DCN: variants seen among roughly 807,000 people sequenced by gnomAD.
DCN encodes bone proteoglycan II.
A neutral mutation model predicts 36.5 loss-of-function variants in DCN; 17 were observed. The ratio of observed to expected loss-of-function variants is 0.47; its 90% CI spans 0.32 to 0.70. The LOEUF (loss-of-function observed/expected upper bound fraction) is 0.70, where lower values mean the gene tolerates loss of function less well. Ranked by LOEUF, DCN falls within the 30% of genes least tolerant of loss-of-function variation. The probability of loss-of-function intolerance (pLI) is 0.04; values close to 1 mark genes in which losing one functional copy is unlikely to be tolerated. For missense variants in DCN, 389 were observed against 430.1 expected (o/e 0.90, Z 0.84); for synonymous variants, 163 against 161.4 (o/e 1.01, Z -0.07).
chr12:91,153,005 AAATC>A (rs1881532850), intron 6 of DCN, 87 bp downstream of exon 6: 1 of 785,488 alleles, frequency 1.3e-6, no homozygotes. Flanking sequence ...GTACACTCAA[AAATC>A]AATCATCATG....
intron 7 of DCN, chr12:91,151,398 A>G (rs1256779842): frequency 2.3e-6 from 1 of 440,808 alleles, no homozygotes. Context: ...ACCCCTACTG[A>G]AAAAAATATC....
chr12:91,176,317 G>T (rs1359362788), intron 2 of DCN: 3 of 151,934 alleles, frequency 2.0e-5, no homozygotes, highest in African/African-American at 4.8e-5. Context: ...TACTTCCTTA[G>T]TATATGAGTC....
rs548373357 is a variant in DCN at position 91,142,391 on chromosome 12, C to T, written c.*3667G>A. 1.3e-5 allele frequency: 2 copies of T among 152,120 alleles called. No individual in the cohort carries two copies. The highest frequency in any genetic ancestry group is 4.8e-5 in the African/African-American group (2 of 41,414). 9.4% of individuals were successfully genotyped at this position (152,120 alleles called of 1,614,324 possible). A position where few individuals can be genotyped will look rare whatever the true frequency, so the allele number is the denominator to read the frequency against. Reference sequence around the variant, plus strand: ...TACTTGAGGGATTAGGCAATTCTTCCTTCGTATAAAGATAAGATTATGATA... The same window carrying T: ...TACTTGAGGGATTAGGCAATTCTTCTTTCGTATAAAGATAAGATTATGATA... On this transcript the variant is annotated 3_prime_UTR_variant, in exon 8 of 8. Coordinates refer to ENST00000052754, the MANE Select transcript of DCN (RefSeq NM_001920.5).
chr12:91,146,237 T>C lies in DCN; in HGVS notation c.901A>G (p.Asn301Asp). Reference sequence around the variant, plus strand: ...GATCCAACTACAGAGATATTGTTGTTATGAAGGTAGACAACCTACAACATG... The same window carrying C: ...GATCCAACTACAGAGATATTGTTGTCATGAAGGTAGACAACCTACAACATG... Reference protein sequence around the residue: ...HKYIQVVYLHNNNISVVGSSD... With the variant: ...HKYIQVVYLHDNNISVVGSSD... The change falls in exon 8 of 8, where the codon AAC (asparagine) becomes GAC (aspartate). Residue 301 changes from asparagine (N) to aspartate (D), a missense_variant. Asn to Asp is a conservative substitution (Grantham distance 23, BLOSUM62 1). Transcript: ENST00000052754. 1.9e-6 allele frequency: 3 copies of C among 1,607,606 alleles called. No homozygotes were observed. The highest frequency in any genetic ancestry group is 2.6e-6 in the Non-Finnish European group (3 of 1,174,342).
chr12:91,158,263 GT>G, intron 4 of DCN, 32 bp downstream of exon 4: 1 of 1,375,042 alleles, frequency 7.3e-7, no homozygotes, highest in Non-Finnish European at 1.0e-6. Flanking sequence ...AAAAACTTGA[GT>G]TTTGGTCTTA....
chr12:91,172,564 T>C, intron 2 of DCN: 1 of 450,628 alleles, frequency 2.2e-6, no homozygotes, highest in Non-Finnish European at 4.0e-6. Flanking sequence ...TTCTATTCTC[T>C]TTCCAGTCAA....
chr12:91,160,950 A>G (rs3138236), intron 3 of DCN, among the ~76,000 whole-genome samples: 2,449 of 152,284 alleles, frequency 0.016, 61 homozygotes, highest in African/African-American at 0.055. Context: ...TACAGGGAAC[A>G]TGATTCTGTT....
At chr12:91,168,164 A>G (rs1882709401) in intron 2 of DCN, among the ~76,000 whole-genome samples, 1 of 152,188 alleles carries the variant, frequency 6.6e-6, no homozygotes, top group African/African-American at 2.4e-5. Flanking sequence ...ATCATTGTGC[A>G]TATTTTCTAA....
Position 91,151,762 on chromosome 12 carries a change from A to G in DCN, c.777T>C (p.Ala259=). The G allele has an allele frequency of 1.2e-6, 2 of 1,614,168 alleles. No homozygotes were observed. The highest frequency in any genetic ancestry group is 1.3e-5 in the African/African-American group (1 of 75,060). Reference sequence around the variant, plus strand: ...TGTTGGCCAGAGAGCCATTGTCAACAGCAGAGATGCTGTTGAAACTCAATC... The same window carrying G: ...TGTTGGCCAGAGAGCCATTGTCAACGGCAGAGATGCTGTTGAAACTCAATC... ...KLGLSFNSIS[A]VDNGSLANTP... Residue 259 remains alanine, a synonymous_variant, in exon 7 of 8, where the codon GCT becomes GCC. Coordinates refer to ENST00000052754, the MANE Select transcript of DCN (RefSeq NM_001920.5).
At chr12:91,166,826 T>C (rs1882602481) in intron 2 of DCN, among the ~76,000 whole-genome samples, 1 of 152,182 alleles carries the variant, frequency 6.6e-6, no homozygotes, top group Non-Finnish European at 1.5e-5. Context: ...AGTTTAGTTC[T>C]TGGAGAGTCA....
chr12:91,182,111 CAT>C (rs1332713528), intron 1 of DCN, among the ~76,000 whole-genome samples: 1 of 151,992 alleles, frequency 6.6e-6, no homozygotes, highest in Non-Finnish European at 1.5e-5. Context: ...CATTTAATAA[CAT>C]AAATATTTTC....
intron 1 of DCN, chr12:91,180,487 G>T (rs931850859): frequency 6.6e-6 from 1 of 152,148 alleles, no homozygotes; most frequent in East Asian, 1.9e-4. Flanking sequence ...AGATTCTCTA[G>T]AGAAGAAACA....
At chr12:91,155,452 A>G (rs1312922054) in intron 5 of DCN, among the ~76,000 whole-genome samples, 1 of 152,152 alleles carries the variant, frequency 6.6e-6, no homozygotes, top group Non-Finnish European at 1.5e-5. Context: ...CCTGGGATAG[A>G]TAGAAGACAT....
At chr12:91,148,713 C>T (rs1881203066) in intron 7 of DCN, among the ~76,000 whole-genome samples, 1 of 79,916 alleles carries the variant, frequency 1.3e-5, no homozygotes, top group Admixed American at 1.3e-4. Flanking sequence ...GAGCGAGACG[C>T]TCCGACTCAA....
At chr12:91,151,549 G>A in intron 7 of DCN, 105 bp downstream of exon 7, 1 of 1,349,776 alleles carries the variant, frequency 7.4e-7, no homozygotes, top group Non-Finnish European at 1.0e-6. Flanking sequence ...AGACACTCTG[G>A]AAAAAAAACT....
chr12:91,177,452 A>AT lies in DCN; in HGVS notation c.211+889dup, dbSNP rs142935363. 1.7e-3 allele frequency: 1,091 copies of AT among 634,006 alleles called. 5 individuals carry two copies. The highest frequency in any genetic ancestry group is 0.014 in the South Asian group (796 of 56,386). 39.3% of individuals were successfully genotyped at this position (634,006 alleles called of 1,614,324 possible). A position where few individuals can be genotyped will look rare whatever the true frequency, so the allele number is the denominator to read the frequency against. The stretch of plus-strand genomic sequence containing the variant: ...CACATGGCGGAATCATGATATAAAG[A>AT]TTTTTTTTTCTTTTCATCTCCAGTA... On this transcript the variant is annotated intron_variant, in intron 2 of 7. Coordinates refer to ENST00000052754, the MANE Select transcript of DCN (RefSeq NM_001920.5).
intron 2 of DCN, chr12:91,176,192 T>C (rs1189474187): frequency 1.3e-5 from 2 of 152,106 alleles, no homozygotes; most frequent in Non-Finnish European, 2.9e-5. Context: ...TAAATATTCA[T>C]CTGTAAATTT....
intron 6 of DCN, among the ~76,000 whole-genome samples, chr12:91,152,336 ATATTT>A (rs1881485910): frequency 6.6e-6 from 1 of 150,440 alleles, no homozygotes. Context: ...GATATATTTT[ATATTT>A]ATTTATCCAC....
chr12:91,161,414 T>C (rs908469196), intron 3 of DCN, among the ~76,000 whole-genome samples: 3 of 152,238 alleles, frequency 2.0e-5, no homozygotes, highest in Non-Finnish European at 1.5e-5. Flanking sequence ...GGCAAACTTA[T>C]CCAAATAAAA....
Sources: allele counts gnomAD v4.1 joint callset (sites outside exome capture counted in the v4.1 genomes callset), GRCh38; gene constraint gnomAD v4.1.1; transcripts MANE v1.5; gene names NCBI Gene and HGNC (gene_info 2026-07-23, HGNC 2026-07-21).